Variants in RHD observed in about 807,000 individuals in gnomAD.
RHD encodes blood group Rh(D) polypeptide.
In RHD, 16 loss-of-function variants were observed where a neutral mutation model predicts 45.5. That is an observed-to-expected ratio of 0.35 (90% CI 0.24 to 0.53). RHD has a LOEUF of 0.53. Ranked by LOEUF, RHD falls within the 20% of genes least tolerant of loss-of-function variation. RHD has a pLI of 0.92. For missense variants in RHD, 306 were observed against 532.0 expected (o/e 0.58, Z 4.18); for synonymous variants, 131 against 217.5 (o/e 0.60, Z 3.50).
At chr1:25,306,459 C>A in intron 6 of RHD, 137 bp from the exon 7 acceptor site, 1 of 861,168 alleles carries the variant, frequency 1.2e-6, no homozygotes, top group Non-Finnish European at 1.9e-6. Flanking sequence ...ACATTCAAGT[C>A]TGAGAAGGGC....
Position 25,286,502 on chromosome 1 carries a change from A to G in RHD, c.335+1743A>G, listed in dbSNP as rs1180438322. Among the ~76,000 whole-genome samples the G allele has an allele frequency of 4.4e-5, 6 of 134,934 alleles. 1 individual carries two copies. The highest frequency in any genetic ancestry group is 1.5e-4 in the African/African-American group (6 of 38,982). The allele number at this position is 134,934 out of a possible 152,430, so 88.5% of individuals were successfully genotyped here. ...AGACCCTGTCTCAAAAAACAGTTTT[A>G]GGGGCCGGGCGCAGTGGTTCATGCC... is the stretch of plus-strand genomic sequence containing the variant. On this transcript the variant is annotated intron_variant, in intron 2 of 9. Coordinates refer to ENST00000328664, the MANE Select transcript of RHD (RefSeq NM_016124.6).
rs1360835847 is a variant in RHD at position 25,315,556 on chromosome 1, G to A, written c.1074-1444G>A. On this transcript the variant is annotated intron_variant, in intron 7 of 9. Transcript: ENST00000328664. ...GTGTTGCCCAGGCTGGAGTGCAGTG[G>A]CGTGATCTCAGCTCACTGCAAACTC... Among the ~76,000 whole-genome samples, 3 of 121,696 alleles carry A rather than the reference G, an allele frequency of 2.5e-5. 1 individual carries two copies. The highest frequency in any genetic ancestry group is 5.8e-5 in the Non-Finnish European group (3 of 51,860). 79.8% of individuals were successfully genotyped at this position (121,696 alleles called of 152,430 possible). A position where few individuals can be genotyped will look rare whatever the true frequency, so the allele number is the denominator to read the frequency against.
rs2301155 is a variant in RHD at position 25,284,589 on chromosome 1, C to T, written c.165C>T (p.Thr55=). The change falls in exon 2 of 10, where the codon ACC becomes ACT. Residue 55 remains threonine (T), a synonymous_variant. Transcript: ENST00000328664. ...VASYQVGQDL[T]VMAAIGLGFL... Reference sequence around the variant, plus strand: ...ACCGAGCAGTTGGCCAAGATCTGACCGTGATGGCGGCCATTGGCTTGGGCT... The same window carrying T: ...ACCGAGCAGTTGGCCAAGATCTGACTGTGATGGCGGCCATTGGCTTGGGCT... 6.0e-4 allele frequency: 833 copies of T among 1,389,154 alleles called. 23 individuals carry two copies. The Middle Eastern group carries it at 8.9e-3, about 15-fold the overall frequency. The allele number at this position is 1,389,154 out of a possible 1,614,324, so 86.1% of individuals were successfully genotyped here.
In RHD at chr1:25,309,658, C is replaced by T. The variant is rs1307167220; in HGVS notation, c.1073+2929C>T. On this transcript the variant is annotated intron_variant, in intron 7 of 9. Coordinates refer to ENST00000328664, the MANE Select transcript of RHD (RefSeq NM_016124.6). ...GAAATCTGGGAAGCATCTGGCCAAG[C>T]TTTGTGGACAGGCCTGCCTAGTTTG... Among the ~76,000 whole-genome samples the T allele has an allele frequency of 1.5e-5, 2 of 132,152 alleles. 1 individual carries two copies. The highest frequency in any genetic ancestry group is 3.6e-5 in the Non-Finnish European group (2 of 55,978). The allele number at this position is 132,152 out of a possible 152,430, so 86.7% of individuals were successfully genotyped here. A position where few individuals can be genotyped will look rare whatever the true frequency, so the allele number is the denominator to read the frequency against.
chr1:25,276,416 TAAA>T (rs59061341), intron 1 of RHD, among the ~76,000 whole-genome samples: 1 of 88,552 alleles, frequency 1.1e-5, no homozygotes, highest in Non-Finnish European at 2.6e-5. Context: ...AATAGTTAAT[TAAA>T]AAAAAAAAAA....
chr1:25,284,788 G>GACCCAGGCT (rs1641823373), intron 2 of RHD, 29 bp downstream of exon 2: 1 of 1,377,040 alleles, frequency 7.3e-7, no homozygotes, highest in Non-Finnish European at 1.0e-6. Flanking sequence ...GATCACTTCT[G>GACCCAGGCT]GGTCATAGAG....
Position 25,301,082 on chromosome 1 carries a change from C to T in RHD, c.623C>T (p.Ser208Phe). 7.3e-7 allele frequency: 1 copy of T among 1,376,402 alleles called. No homozygotes were observed. The highest frequency in any genetic ancestry group is 1.2e-5 in the South Asian group (1 of 84,798). The allele number at this position is 1,376,402 out of a possible 1,614,324, so 85.3% of individuals were successfully genotyped here. The change falls in exon 4 of 10, where the codon TCT becomes TTT. Residue 208 changes from serine (S) to phenylalanine (F), a missense_variant. By Grantham distance (155) the Ser-to-Phe change is radical. Transcript: ENST00000328664. ...CAGACAGCAACGATACCCAGTTTGT[C>T]TGCCATGCTGGGTAAGGACAAGGTG... ...KDQTATIPSL[S>F]AMLGALFLWM...
At chr1:25,291,089 G>C (rs932965942) in intron 3 of RHD, among the ~76,000 whole-genome samples, 2 of 130,788 alleles carry the variant, frequency 1.5e-5, no homozygotes, top group Admixed American at 1.5e-4. Flanking sequence ...CCAGGAGTTA[G>C]GGACCGAGCT....
In RHD at chr1:25,329,111, T is replaced by C. The variant is rs1254974428; in HGVS notation, c.*187T>C. On this transcript the variant is annotated 3_prime_UTR_variant, in exon 10 of 10. Coordinates refer to ENST00000328664, the MANE Select transcript of RHD (RefSeq NM_016124.6). Reference sequence around the variant, plus strand: ...TCTTTGAGGAGAATCTCACCATTTATTATGCACTGTAGAATACAACAATAA... The same window carrying C: ...TCTTTGAGGAGAATCTCACCATTTACTATGCACTGTAGAATACAACAATAA... The C allele has an allele frequency of 8.1e-7, 1 of 1,230,054 alleles. No homozygotes were observed. The allele number at this position is 1,230,054 out of a possible 1,614,324, so 76.2% of individuals were successfully genotyped here.
rs1320647989 is a variant in RHD, at chr1:25,301,976, G to A, written c.801+290G>A. Reference sequence around the variant, plus strand: ...AACCCCATTTCTGCTAGTTGCTAAAGTCAGTCACCATGAGCGAGAGTCAGC... The same window carrying A: ...AACCCCATTTCTGCTAGTTGCTAAAATCAGTCACCATGAGCGAGAGTCAGC... On this transcript the variant is annotated intron_variant, in intron 5 of 9. Coordinates refer to ENST00000328664, the MANE Select transcript of RHD (RefSeq NM_016124.6). 1.5e-5 allele frequency among the ~76,000 whole-genome samples: 2 copies of A among 130,772 alleles called. 1 individual carries two copies. Among genetic ancestry groups the A allele is most frequent in the Non-Finnish European group, 3.6e-5 (2 of 55,050 alleles). The allele number at this position is 130,772 out of a possible 152,430, so 85.8% of individuals were successfully genotyped here.
intron 7 of RHD, among the ~76,000 whole-genome samples, chr1:25,312,948 A>AAAAAAAAAAAAAAAAC (rs1557556998): frequency 2.7e-5 from 3 of 110,688 alleles, no homozygotes; most frequent in Non-Finnish European, 4.4e-5. Flanking sequence ...AAAAAAAAAA[A>AAAAAAAAAAAAAAAAC]AAAAAAACTT....
At position 25,321,679 on chromosome 1, in the gene RHD, A is replaced by AAAATAAAATAAAATG. The variant is rs1472014331; in HGVS notation, c.1154-196_1154-195insGAAATAAAATAAAAT. 6.6e-5 allele frequency among the ~76,000 whole-genome samples: 8 copies of AAAATAAAATAAAATG among 120,784 alleles called. 1 individual carries two copies. Among genetic ancestry groups the AAAATAAAATAAAATG allele is most frequent in the East Asian group, 2.0e-4 (1 of 4,994 alleles). The allele number at this position is 120,784 out of a possible 152,430, so 79.2% of individuals were successfully genotyped here. On this transcript the variant is annotated intron_variant, in intron 8 of 9. Transcript: ENST00000328664. ...AGTGAGACTCTGTCTCAAAATAAAT[A>AAAATAAAATAAAATG]AAATAAAATAAAATAAAATAAAATA... is the stretch of plus-strand genomic sequence containing the variant.
chr1:25,323,528 G>A (rs1644826114), intron 9 of RHD, among the ~76,000 whole-genome samples: 1 of 127,138 alleles, frequency 7.9e-6, no homozygotes, highest in Non-Finnish European at 1.8e-5. Context: ...GCACCATCAT[G>A]GCTCACTGTA....
At position 25,287,050 on chromosome 1, in the gene RHD, A is replaced by G. The variant is rs55836302; in HGVS notation, c.335+2291A>G. Among the ~76,000 whole-genome samples, 1,346 of 134,932 alleles carry G rather than the reference A, an allele frequency of 1.0e-2. 197 individuals are homozygous for G. Among genetic ancestry groups the G allele is most frequent in the African/African-American group, 0.031 (1,226 of 39,116 alleles). 88.5% of individuals were successfully genotyped at this position (134,932 alleles called of 152,430 possible). A position where few individuals can be genotyped will look rare whatever the true frequency, so the allele number is the denominator to read the frequency against. ...GGAGGCTATAGTGAGCCGAGATCGC[A>G]CCATTGCACTGTAGCCTGGGCGACA... On this transcript the variant is annotated intron_variant, in intron 2 of 9. Transcript: ENST00000328664.
intron 7 of RHD, chr1:25,307,525 A>G: frequency 1.9e-6 from 1 of 521,956 alleles, no homozygotes; most frequent in Non-Finnish European, 3.6e-6. Context: ...TGACTGCTTT[A>G]AAAGTGTTGG....
Position 25,274,208 on chromosome 1 carries a change from T to C in RHD, c.148+1513T>C, listed in dbSNP as rs912714586. Among the ~76,000 whole-genome samples the C allele has an allele frequency of 1.5e-5, 2 of 131,662 alleles. 1 individual carries two copies. The highest frequency in any genetic ancestry group is 3.6e-5 in the Non-Finnish European group (2 of 55,568). 86.4% of individuals were successfully genotyped at this position (131,662 alleles called of 152,430 possible). On this transcript the variant is annotated intron_variant, in intron 1 of 9. Transcript: ENST00000328664. ...GAGGTGGGTACTATTATGATCTTCG[T>C]TTTTCATATGAGGAAACTAGGCATA...
intron 2 of RHD, among the ~76,000 whole-genome samples, chr1:25,285,229 G>C (rs1297786742): frequency 7.5e-6 from 1 of 132,640 alleles, no homozygotes; most frequent in Non-Finnish European, 1.8e-5. Context: ...CAGCCTTCTG[G>C]GTTCAAGCGA....
chr1:25,309,674 G>C (rs952188511), intron 7 of RHD, among the ~76,000 whole-genome samples: 1 of 131,994 alleles, frequency 7.6e-6, no homozygotes, highest in African/African-American at 2.6e-5. Context: ...GGACAGGCCT[G>C]CCTAGTTTGA....
rs1400691295 is a variant in RHD at position 25,275,500 on chromosome 1, G to A, written c.148+2805G>A. Among the ~76,000 whole-genome samples the A allele has an allele frequency of 9.1e-5, 12 of 131,272 alleles. 1 individual carries two copies. The highest frequency in any genetic ancestry group is 2.9e-4 in the African/African-American group (11 of 38,510). 86.1% of individuals were successfully genotyped at this position (131,272 alleles called of 152,430 possible). On this transcript the variant is annotated intron_variant, in intron 1 of 9. Transcript: ENST00000328664. ...GAGACACCAGACCAGCGTGGAGGCTGTAGTGTAGTATTGACCTGAGGACTT... is the reference window on the plus strand; with the variant it reads ...GAGACACCAGACCAGCGTGGAGGCTATAGTGTAGTATTGACCTGAGGACTT...
Sources: gnomAD v4.1 joint callset for allele counts (sites outside exome capture counted in the v4.1 genomes callset) on GRCh38, gnomAD v4.1.1 for gene constraint, MANE v1.5 for transcripts, NCBI Gene and HGNC (gene_info 2026-07-23, HGNC 2026-07-21) for gene names.